ARHGEF28: variants seen among roughly 807,000 people sequenced by gnomAD.
ARHGEF28 encodes Rho guanine nucleotide exchange factor 28, also known as 190 kDa guanine nucleotide exchange factor.
ARHGEF28 carries 152 observed loss-of-function variants against 206.6 expected under a neutral mutation model. That is an observed-to-expected ratio of 0.74 (90% CI 0.64 to 0.84). The LOEUF (loss-of-function observed/expected upper bound fraction) is 0.84, where lower values mean the gene tolerates loss of function less well. Ranked by LOEUF, ARHGEF28 falls within the 40% of genes least tolerant of loss-of-function variation. The pLI, the probability that ARHGEF28 is intolerant of heterozygous loss-of-function variation, is 0.00. For synonymous variants in ARHGEF28, 763 were observed against 776.4 expected, an observed-to-expected ratio of 0.98 and a Z score of 0.29; for missense variants, 2,028 against 2,073.2, an observed-to-expected ratio of 0.98 and a Z score of 0.42.
chr5:73,658,573 T>C (rs1745375721), intron 1 of ARHGEF28, among the ~76,000 whole-genome samples: 1 of 152,032 alleles, frequency 6.6e-6, no homozygotes, highest in Non-Finnish European at 1.5e-5. Flanking sequence ...TGATGAAAAA[T>C]GTTGATTTCA....
intron 7 of ARHGEF28, among the ~76,000 whole-genome samples, chr5:73,785,079 A>T (rs892098745): frequency 6.6e-6 from 1 of 152,218 alleles, no homozygotes; most frequent in African/African-American, 2.4e-5. Flanking sequence ...AATTTAAAAA[A>T]ATGTAGGAAT....
Position 73,873,206 on chromosome 5 carries a change from A to G in ARHGEF28, c.2774A>G (p.Asn925Ser). 1 of 1,612,052 alleles carries G rather than the reference A, an allele frequency of 6.2e-7. No individual in the cohort carries two copies. The highest frequency in any genetic ancestry group is 1.1e-5 in the South Asian group (1 of 90,406). Residue 925 changes from asparagine to serine, a missense_variant, in exon 22 of 36, where the codon AAT becomes AGT. By Grantham distance (46) the Asn-to-Ser change is conservative. Around this residue, in one of 3 missense-constraint regions of ARHGEF28, gnomAD observed 223 missense variants for 289.9 expected, o/e 0.77. Coordinates refer to ENST00000513042, the MANE Select transcript of ARHGEF28 (RefSeq NM_001177693.2). ...GAATCCTGTGCTGGCAGCGACAGGA[A>G]TTTTGTGATCGACCGAATTGGAGAT... ...RQESCAGSDR[N>S]FVIDRIGDIL...
chr5:73,867,832 T>G (rs371908130), intron 18 of ARHGEF28, 44 bp from the exon 19 acceptor site: 1 of 1,612,616 alleles, frequency 6.2e-7, no homozygotes, highest in Non-Finnish European at 8.5e-7. Context: ...TTACTTGTAA[T>G]TACTGACCTG....
At chr5:73,668,193 G>A (rs1746087486) in intron 1 of ARHGEF28, among the ~76,000 whole-genome samples, 1 of 152,166 alleles carries the variant, frequency 6.6e-6, no homozygotes, top group Admixed American at 6.5e-5. Flanking sequence ...TAGTTTCAAA[G>A]CTGCTTCATT....
intron 2 of ARHGEF28, among the ~76,000 whole-genome samples, chr5:73,687,046 A>G (rs1407798639): frequency 6.6e-6 from 1 of 152,170 alleles, no homozygotes; most frequent in Non-Finnish European, 1.5e-5. Flanking sequence ...AGATGTCATT[A>G]CCTACACGTG....
At chr5:73,897,253 T>G (rs1762010827) in intron 29 of ARHGEF28, among the ~76,000 whole-genome samples, 1 of 152,224 alleles carries the variant, frequency 6.6e-6, no homozygotes, top group Non-Finnish European at 1.5e-5. Flanking sequence ...CTAATAATGC[T>G]GATGGAGATG....
At position 73,894,499 on chromosome 5, in the gene ARHGEF28, G is replaced by T. The variant is rs771625197; in HGVS notation, c.3765G>T (p.Glu1255Asp). 7 of 1,613,942 alleles carry T rather than the reference G, an allele frequency of 4.3e-6. No individual in the cohort carries two copies. Among genetic ancestry groups the T allele is most frequent in the Admixed American group, 1.7e-5 (1 of 60,016 alleles). ...GCGGATTTGAGGACGTCCATCTAGA[G>T]CCCCACCTCCTTATTAAACCTGACC... ...ELSGFEDVHL[E>D]PHLLIKPDPG... The change falls in exon 29 of 36, where the codon GAG becomes GAT. Residue 1255 changes from glutamate (E) to aspartate (D), a missense_variant. Physicochemically the swap from Glu to Asp is conservative, Grantham distance 45. Transcript: ENST00000513042.
rs200976886 is a variant in ARHGEF28 at position 73,909,557 on chromosome 5, A to G, written c.4307A>G (p.Glu1436Gly). 1,919 of 1,575,778 alleles carry G rather than the reference A, an allele frequency of 1.2e-3. 1 individual carries two copies. Among genetic ancestry groups the G allele is most frequent in the Admixed American group, 1.8e-3 (99 of 53,812 alleles). The part of the protein sequence containing the change: ...KSRDADRQHE[E>G]LANVHQLQHQ... ...CGCGACGCGGACAGGCAGCATGAGG[A>G]GCTGGCCAATGTGCACCAGCTTCAG... Residue 1436 changes from glutamate to glycine, a missense_variant, in exon 34 of 36, where the codon GAG (glutamate) becomes GGG (glycine). Glu to Gly is a moderately conservative substitution (Grantham distance 98, BLOSUM62 -2). Transcript: ENST00000513042.
chr5:73,934,642 T>C (rs1046191668), intron 35 of ARHGEF28, among the ~76,000 whole-genome samples: 2 of 152,206 alleles, frequency 1.3e-5, no homozygotes, highest in African/African-American at 4.8e-5. Flanking sequence ...TGAACTATTC[T>C]CCAGCTATGT....
chr5:73,734,133 G>T (rs1340433412), intron 2 of ARHGEF28, among the ~76,000 whole-genome samples: 1 of 152,208 alleles, frequency 6.6e-6, no homozygotes, highest in South Asian at 2.1e-4. Context: ...ATGGGATTTG[G>T]GTAGGGACAT....
intron 2 of ARHGEF28, among the ~76,000 whole-genome samples, chr5:73,716,154 T>C (rs1037475990): frequency 6.6e-6 from 1 of 152,170 alleles, no homozygotes; most frequent in Non-Finnish European, 1.5e-5. Flanking sequence ...CAAGCTGTAA[T>C]GCACCGGCAC....
intron 9 of ARHGEF28, among the ~76,000 whole-genome samples, chr5:73,808,795 A>C (rs1190211656): frequency 1.3e-5 from 2 of 152,180 alleles, no homozygotes; most frequent in Non-Finnish European, 2.9e-5. Context: ...AGTGGAGTAG[A>C]GAAGCAAAGC....
chr5:73,634,987 T>A (rs1743604918), intron 1 of ARHGEF28, among the ~76,000 whole-genome samples: 1 of 152,164 alleles, frequency 6.6e-6, no homozygotes, highest in Non-Finnish European at 1.5e-5. Flanking sequence ...TCTGATACAA[T>A]TCTAAAGAGC....
intron 29 of ARHGEF28, among the ~76,000 whole-genome samples, chr5:73,896,277 C>A (rs933037353): frequency 9.2e-5 from 14 of 152,204 alleles, no homozygotes; most frequent in African/African-American, 3.4e-4. Context: ...AAGTGCAAAG[C>A]CCCTGAGGCT....
intron 30 of ARHGEF28, chr5:73,898,966 G>A (rs1291551126): frequency 6.6e-6 from 1 of 152,110 alleles, no homozygotes; most frequent in Non-Finnish European, 1.5e-5. Context: ...AAGATTGGAA[G>A]ATTAAATTGA....
chr5:73,736,304 C>T (rs1033988933), intron 2 of ARHGEF28, among the ~76,000 whole-genome samples: 10 of 152,112 alleles, frequency 6.6e-5, no homozygotes, highest in Non-Finnish European at 1.0e-4. Context: ...CTGTGGGGGA[C>T]GCAGCACTGA....
intron 27 of ARHGEF28, among the ~76,000 whole-genome samples, chr5:73,892,795 G>T (rs1761724127): frequency 6.6e-6 from 1 of 152,058 alleles, no homozygotes; most frequent in South Asian, 2.1e-4. Context: ...ACAAGGGTGG[G>T]GGTGATCATT....
intron 2 of ARHGEF28, among the ~76,000 whole-genome samples, chr5:73,743,114 T>A (rs1751535532): frequency 6.6e-6 from 1 of 152,240 alleles, no homozygotes; most frequent in South Asian, 2.1e-4. Context: ...TGTTTCTGTT[T>A]GAGATTATTT....
At chr5:73,785,742 T>G (rs1387301146) in intron 7 of ARHGEF28, among the ~76,000 whole-genome samples, 1 of 152,164 alleles carries the variant, frequency 6.6e-6, no homozygotes, top group Non-Finnish European at 1.5e-5. Flanking sequence ...ATTTGTTACT[T>G]TGTTGGCTTC....
Sources: gnomAD v4.1 joint callset for allele counts (sites outside exome capture counted in the v4.1 genomes callset) on GRCh38, gnomAD v4.1.1 for gene constraint, gnomAD v4.1.1 regional missense constraint, MANE v1.5 for transcripts, NCBI Gene and HGNC (gene_info 2026-07-23, HGNC 2026-07-21) for gene names.